Variants in KCNJ3 observed in about 807,000 individuals in gnomAD.
The protein encoded by KCNJ3 is G protein-activated inward rectifier potassium channel 1.
In KCNJ3, 4 loss-of-function variants were observed where a neutral mutation model predicts 39.2. The observed-to-expected ratio is 0.10, with a 90% CI of 0.05 to 0.23. The LOEUF (loss-of-function observed/expected upper bound fraction) is 0.23, where lower values mean the gene tolerates loss of function less well. KCNJ3 is among the 10% of genes least tolerant of loss of function. The probability of loss-of-function intolerance (pLI) is 1.00; values close to 1 mark genes in which losing one functional copy is unlikely to be tolerated. For missense variants in KCNJ3, 276 were observed against 634.9 expected, an observed-to-expected ratio of 0.43 and a Z score of 6.08; for synonymous variants, 230 against 237.4, an observed-to-expected ratio of 0.97 and a Z score of 0.29.
At chr2:154,780,346 T>C (rs990846036) in intron 2 of KCNJ3, among the ~76,000 whole-genome samples, 1 of 152,162 alleles carries the variant, frequency 6.6e-6, no homozygotes, top group Admixed American at 6.5e-5. Flanking sequence ...GGATAGAGAA[T>C]TGCTTTCTTA....
At chr2:154,733,795 A>G (rs371441062) in intron 2 of KCNJ3, among the ~76,000 whole-genome samples, 15 of 152,316 alleles carry the variant, frequency 9.8e-5, no homozygotes, top group African/African-American at 3.4e-4. Flanking sequence ...AGAATGTGTC[A>G]GCCTACTGGG....
chr2:154,775,684 A>G (rs1686320614), intron 2 of KCNJ3, among the ~76,000 whole-genome samples: 1 of 152,218 alleles, frequency 6.6e-6, no homozygotes, highest in South Asian at 2.1e-4. Flanking sequence ...GTACCTCAAT[A>G]TTCGTTTTAG....
intron 1 of KCNJ3, among the ~76,000 whole-genome samples, chr2:154,707,302 T>A (rs1344058968): frequency 2.0e-5 from 3 of 152,024 alleles, no homozygotes; most frequent in African/African-American, 7.2e-5. Flanking sequence ...AGAGCAAATA[T>A]TTAAAATCAG....
chr2:154,783,057 A>G (rs1686466497), intron 2 of KCNJ3, among the ~76,000 whole-genome samples: 2 of 152,100 alleles, frequency 1.3e-5, no homozygotes, highest in African/African-American at 4.8e-5. Context: ...GGGCACCTGT[A>G]TTCCCAGCTA....
chr2:154,821,208 A>G (rs1558882798), intron 2 of KCNJ3, among the ~76,000 whole-genome samples: 1 of 152,022 alleles, frequency 6.6e-6, no homozygotes, highest in African/African-American at 2.4e-5. Context: ...CATCTTGTGC[A>G]TTTTTTTGCC....
chr2:154,812,213 T>G (rs1240060643), intron 2 of KCNJ3, among the ~76,000 whole-genome samples: 1 of 152,164 alleles, frequency 6.6e-6, no homozygotes, highest in Admixed American at 6.6e-5. Flanking sequence ...TTGCCCTGGA[T>G]GAGAAGAGTC....
At chr2:154,807,800 A>G (rs866227723) in intron 2 of KCNJ3, among the ~76,000 whole-genome samples, 1 of 152,162 alleles carries the variant, frequency 6.6e-6, no homozygotes, top group South Asian at 2.1e-4. Context: ...GCTATCCTGT[A>G]GGAGAGATGC....
chr2:154,836,410 T>C (rs556439813), intron 2 of KCNJ3, among the ~76,000 whole-genome samples: 4 of 151,822 alleles, frequency 2.6e-5, no homozygotes, highest in Non-Finnish European at 5.9e-5. Context: ...ATCTTTGACT[T>C]CTTAAAAGTG....
At chr2:154,741,353 G>C (rs1028155022) in intron 2 of KCNJ3, among the ~76,000 whole-genome samples, 1 of 151,796 alleles carries the variant, frequency 6.6e-6, no homozygotes, top group African/African-American at 2.4e-5. Context: ...TTTCCCTGAT[G>C]AGTTTAATTC....
intron 2 of KCNJ3, among the ~76,000 whole-genome samples, chr2:154,786,563 C>G (rs918139490): frequency 5.3e-5 from 8 of 152,142 alleles, no homozygotes. Context: ...CAAATTGCTT[C>G]TGAGTACTTG....
chr2:154,814,464 C>T (rs1687049224), intron 2 of KCNJ3, among the ~76,000 whole-genome samples: 1 of 151,942 alleles, frequency 6.6e-6, no homozygotes, highest in Non-Finnish European at 1.5e-5. Context: ...ATGGTGAAAC[C>T]TCGTCTGTAC....
At chr2:154,700,938 C>T (rs529014028) in intron 1 of KCNJ3, among the ~76,000 whole-genome samples, 8 of 152,070 alleles carry the variant, frequency 5.3e-5, no homozygotes, top group East Asian at 1.9e-4. Context: ...CTGATGTAAA[C>T]GTTCATTAAC....
chr2:154,729,097 A>G (rs1028115526), intron 2 of KCNJ3, among the ~76,000 whole-genome samples: 24 of 152,132 alleles, frequency 1.6e-4, no homozygotes, highest in Non-Finnish European at 2.8e-4. Context: ...ATTCTCTAAA[A>G]CTATTAATCA....
intron 2 of KCNJ3, among the ~76,000 whole-genome samples, chr2:154,720,639 A>AC (rs1468295688): frequency 6.6e-6 from 1 of 152,078 alleles, no homozygotes; most frequent in Non-Finnish European, 1.5e-5. Context: ...CCATTTAGAT[A>AC]CAGGTAAAAT....
intron 2 of KCNJ3, among the ~76,000 whole-genome samples, chr2:154,801,592 CCTTTCTTT>C (rs372772412): frequency 7.8e-6 from 1 of 128,984 alleles, no homozygotes; most frequent in Non-Finnish European, 1.7e-5. Context: ...TCTTTCTTTC[CCTTTCTTT>C]CTTTCTTTCT....
At chr2:154,854,679 G>A in intron 2 of KCNJ3, 48 bp from the exon 3 acceptor site, 1 of 1,421,326 alleles carries the variant, frequency 7.0e-7, no homozygotes, top group East Asian at 2.3e-5. Flanking sequence ...GGCTTTACAT[G>A]TGCTTCCACT....
intron 2 of KCNJ3, among the ~76,000 whole-genome samples, chr2:154,798,540 C>T (rs1315336806): frequency 6.6e-6 from 1 of 152,012 alleles, no homozygotes; most frequent in Admixed American, 6.6e-5. Flanking sequence ...CAAAAGGTCG[C>T]AGTGATTAAC....
chr2:154,851,082 A>C (rs961455837), intron 2 of KCNJ3, among the ~76,000 whole-genome samples: 2 of 152,010 alleles, frequency 1.3e-5, no homozygotes, highest in Non-Finnish European at 2.9e-5. Flanking sequence ...ATCTCTACAA[A>C]AAATTGAAAA....
chr2:154,776,071 G>A (rs927363029), intron 2 of KCNJ3, among the ~76,000 whole-genome samples: 3 of 150,242 alleles, frequency 2.0e-5, no homozygotes, highest in Admixed American at 6.7e-5. Context: ...GTGCAATCTC[G>A]GCTCACTGCA....
Sources: allele counts gnomAD v4.1 joint callset (sites outside exome capture counted in the v4.1 genomes callset), GRCh38; gene constraint gnomAD v4.1.1; transcripts MANE v1.5; gene names NCBI Gene and HGNC (gene_info 2026-07-23, HGNC 2026-07-21).